ARHGAP39: variants seen among roughly 807,000 people sequenced by gnomAD.
The protein encoded by ARHGAP39 is Rho GTPase activating protein 39, also known as rho GTPase-activating protein 39.
A neutral mutation model predicts 106.9 loss-of-function variants in ARHGAP39; 44 were observed. The ratio of observed to expected loss-of-function variants is 0.41; its 90% CI spans 0.32 to 0.53. The LOEUF is 0.53. Among genes scored for constraint, ARHGAP39 ranks in the 20% least tolerant of loss-of-function variants. ARHGAP39 has a pLI of 0.21. For missense variants in ARHGAP39, 1,496 were observed against 1,577.3 expected (o/e 0.95, Z 0.87); for synonymous variants, 768 against 693.2 (o/e 1.11, Z -1.69).
At chr8:144,581,655 G>A (rs1250852218) in intron 2 of ARHGAP39, among the ~76,000 whole-genome samples, 1 of 152,218 alleles carries the variant, frequency 6.6e-6, no homozygotes, top group Non-Finnish European at 1.5e-5. Context: ...CTGCTCAGTA[G>A]CCCCTCCGCT....
intron 1 of ARHGAP39, among the ~76,000 whole-genome samples, chr8:144,668,722 GCAGAACACTCCACACTGATCAA>G (rs1280039710): frequency 3.3e-5 from 5 of 152,042 alleles, no homozygotes; most frequent in African/African-American, 1.2e-4. Flanking sequence ...TAGTAAGATG[GCAGAACACTCCACACTGATCAA>G]CAGAATTTAA....
chr8:144,571,307 G>GTTCAA (rs1818577995), intron 3 of ARHGAP39, among the ~76,000 whole-genome samples: 1 of 152,110 alleles, frequency 6.6e-6, no homozygotes, highest in Non-Finnish European at 1.5e-5. Flanking sequence ...TTCATCCCTG[G>GTTCAA]GATGCAAGGC....
Position 144,586,259 on chromosome 8 carries a change from G to A in ARHGAP39, c.81-4982C>T, listed in dbSNP as rs1819182209. On this transcript the variant is annotated intron_variant, in intron 2 of 11. Transcript: ENST00000377307. This position sits in a 1 kb window ranked among gnomAD's most constrained non-coding sequence, Gnocchi z 4.2. Reference sequence around the variant, plus strand: ...GCTTCCCAAAGTGTTGGGATTACAGGAGTGAGCCACCGTGCCCGGCCTCAG... The same window carrying A: ...GCTTCCCAAAGTGTTGGGATTACAGAAGTGAGCCACCGTGCCCGGCCTCAG... 6.6e-6 allele frequency: 1 copy of A among 152,348 alleles called. No individual in the cohort carries two copies. Among genetic ancestry groups the A allele is most frequent in the African/African-American group, 2.4e-5 (1 of 41,456 alleles). The allele number at this position is 152,348 out of a possible 1,614,324, so 9.4% of individuals were successfully genotyped here. A position where few individuals can be genotyped will look rare whatever the true frequency, so the allele number is the denominator to read the frequency against.
upstream of ARHGAP39, among the ~76,000 whole-genome samples, chr8:144,686,923 G>A (rs1168800598): frequency 1.6e-3 from 84 of 53,108 alleles, 2 homozygotes; most frequent in African/African-American, 4.9e-3. Flanking sequence ...ACCACACACT[G>A]GCGGCGACCA....
At chr8:144,565,592 G>A (rs369475937) in intron 3 of ARHGAP39, among the ~76,000 whole-genome samples, 14 of 152,182 alleles carry the variant, frequency 9.2e-5, no homozygotes, top group Admixed American at 2.6e-4. Context: ...GGGAGGCTGA[G>A]GCAGGAGAAT....
chr8:144,557,929 G>A (rs1818006455), intron 3 of ARHGAP39, among the ~76,000 whole-genome samples: 1 of 152,230 alleles, frequency 6.6e-6, no homozygotes, highest in African/African-American at 2.4e-5. Context: ...TATTTGAAAG[G>A]AAGACATAAA....
At chr8:144,661,899 C>A (rs571274691) in intron 1 of ARHGAP39, among the ~76,000 whole-genome samples, 3 of 150,638 alleles carry the variant, frequency 2.0e-5, no homozygotes, top group East Asian at 4.0e-4. Flanking sequence ...CAACCCCCCA[C>A]CCCGCCCCCC....
chr8:144,563,453 C>A (rs1336654728), intron 3 of ARHGAP39, among the ~76,000 whole-genome samples: 1 of 152,102 alleles, frequency 6.6e-6, no homozygotes. Flanking sequence ...AAAGTCTCTG[C>A]ATGAGAAAAA....
intron 1 of ARHGAP39, among the ~76,000 whole-genome samples, chr8:144,621,654 G>A (rs755913335): frequency 3.6e-4 from 55 of 152,040 alleles, no homozygotes; most frequent in Non-Finnish European, 6.8e-4. Flanking sequence ...CCATCTCTAC[G>A]AAAAAATACA....
intron 1 of ARHGAP39, among the ~76,000 whole-genome samples, chr8:144,663,500 C>T (rs142391697): frequency 1.4e-4 from 21 of 152,304 alleles, no homozygotes; most frequent in Admixed American, 9.1e-4. Context: ...TCCAACGCCT[C>T]TCACCAGGCC....
At chr8:144,545,074 G>C (rs1234834231) in intron 6 of ARHGAP39, among the ~76,000 whole-genome samples, 175 bp downstream of exon 6, 1 of 152,250 alleles carries the variant, frequency 6.6e-6, no homozygotes, top group African/African-American at 2.4e-5. Context: ...TGGGGCTCCA[G>C]GAAGAGGCCA....
In ARHGAP39 at chr8:144,562,651, C is replaced by T. The variant is rs577445630; in HGVS notation, c.513-7008G>A. Among the ~76,000 whole-genome samples the T allele has an allele frequency of 1.1e-4, 16 of 151,148 alleles. No homozygotes were observed. In the East Asian group the frequency reaches 2.1e-3, roughly 20 times the overall value. ...TCCATCGGACCCCAGTGGTTACCAT[C>T]GGACTCCAGTGGTTTCCATCGGACT... On this transcript the variant is annotated intron_variant, in intron 3 of 11. Transcript: ENST00000377307.
chr8:144,610,756 C>G (rs1437925018), intron 1 of ARHGAP39, among the ~76,000 whole-genome samples: 3 of 151,936 alleles, frequency 2.0e-5, no homozygotes, highest in East Asian at 3.9e-4. Flanking sequence ...TATAAAATAC[C>G]CCTCTGAGTA....
chr8:144,589,934 G>A (rs1226793491), intron 2 of ARHGAP39, among the ~76,000 whole-genome samples: 3 of 152,222 alleles, frequency 2.0e-5, no homozygotes, highest in African/African-American at 7.2e-5. Flanking sequence ...TGGGAGCCCC[G>A]CCCACAAGAG....
In ARHGAP39 at chr8:144,547,303, T is replaced by G. The variant is rs1456669092; in HGVS notation, c.1783A>C (p.Met595Leu). The change falls in exon 5 of 12, where the codon ATG becomes CTG. Residue 595 changes from methionine to leucine, a missense_variant. Around this residue, in one of 4 missense-constraint regions of ARHGAP39, gnomAD observed 905 missense variants for 816.4 expected, o/e 1.11. Transcript: ENST00000377307. This position sits in a 1 kb window ranked among gnomAD's most constrained non-coding sequence, Gnocchi z 5.2. ...YESDGALPLP[M>L]PGPVVRAFSE... is the part of the protein sequence containing the mutation. ...AAGGCCCGCACCACCGGCCCGGGCA[T>G]GGGCAGTGGCAGGGCGCCGTCGCTC... is the stretch of plus-strand genomic sequence containing the variant. The G allele has an allele frequency of 6.2e-7, 1 of 1,611,684 alleles. No homozygotes were observed. Among genetic ancestry groups the G allele is most frequent in the Admixed American group, 1.7e-5 (1 of 59,942 alleles).
chr8:144,666,777 C>T (rs1821975771), intron 1 of ARHGAP39, among the ~76,000 whole-genome samples: 1 of 152,148 alleles, frequency 6.6e-6, no homozygotes, highest in Non-Finnish European at 1.5e-5. Flanking sequence ...GACTAATACA[C>T]ATGGCTAAAG....
At chr8:144,593,782 C>T (rs1238511966) in intron 2 of ARHGAP39, among the ~76,000 whole-genome samples, 4 of 152,004 alleles carry the variant, frequency 2.6e-5, no homozygotes, top group Non-Finnish European at 5.9e-5. Context: ...AGAGTGAGAT[C>T]CTGTCTCGAA....
chr8:144,602,018 C>CGT (rs537362460), intron 2 of ARHGAP39, among the ~76,000 whole-genome samples: 1 of 105,026 alleles, frequency 9.5e-6, no homozygotes, highest in Non-Finnish European at 1.9e-5. Context: ...TGCATGGAGG[C>CGT]GTGTGTGTGC....
chr8:144,577,195 T>C (rs138899452), intron 3 of ARHGAP39, among the ~76,000 whole-genome samples: 310 of 152,198 alleles, frequency 2.0e-3, no homozygotes, highest in African/African-American at 6.8e-3. Context: ...GTTTCATGGA[T>C]CATATGAAAG....
Sources: gnomAD v4.1 joint callset for allele counts (sites outside exome capture counted in the v4.1 genomes callset) on GRCh38, gnomAD v4.1.1 for gene constraint, gnomAD v4.1.1 regional missense constraint, Gnocchi (gnomAD v3.1) non-coding constraint, MANE v1.5 for transcripts, NCBI Gene and HGNC (gene_info 2026-07-23, HGNC 2026-07-21) for gene names.